KDM4C: variants seen among roughly 807,000 people sequenced by gnomAD.
The protein encoded by KDM4C is lysine-specific demethylase 4C.
Under a neutral mutation model 129.3 loss-of-function variants are expected in KDM4C, and 81 were observed. The ratio of observed to expected loss-of-function variants is 0.63; its 90% CI spans 0.52 to 0.75. The LOEUF (loss-of-function observed/expected upper bound fraction) is 0.75, where lower values mean the gene tolerates loss of function less well. Among genes scored for constraint, KDM4C ranks in the 30% least tolerant of loss-of-function variants. The pLI is 0.00. For missense variants in KDM4C, 1,457 were observed against 1,304.0 expected (o/e 1.12, Z -1.81); for synonymous variants, 573 against 456.1 (o/e 1.26, Z -3.26).
chr9:7,100,934 G>A lies in KDM4C; in HGVS notation c.2425-2751G>A, dbSNP rs376791399. Among the ~76,000 whole-genome samples the A allele has an allele frequency of 2.6e-5, 4 of 151,996 alleles. No individual in the cohort carries two copies. The East Asian group carries it at 5.8e-4, about 22-fold the overall frequency. The stretch of plus-strand genomic sequence containing the variant: ...CTTATCTACTTTGGTTTCTCTGTTC[G>A]TTTAGTTCCACCTGTTTCCCATGGT... On this transcript the variant is annotated intron_variant, in intron 17 of 21. Transcript: ENST00000381309.
intron 16 of KDM4C, among the ~76,000 whole-genome samples, chr9:7,048,215 C>G (rs10976007): frequency 0.016 from 2,394 of 152,018 alleles, 24 homozygotes; most frequent in East Asian, 0.026. Flanking sequence ...TGGACCACAA[C>G]AAAAAGAAAT....
intron 8 of KDM4C, among the ~76,000 whole-genome samples, chr9:6,943,509 G>T (rs532255041): frequency 6.6e-6 from 1 of 152,140 alleles, no homozygotes; most frequent in South Asian, 2.1e-4. Flanking sequence ...AGGAGTTCTA[G>T]ATCAGCCTGG....
At position 6,728,906 on chromosome 9, in the gene KDM4C, T is replaced by C. The variant is rs574623503; in HGVS notation, c.49+7909T>C. Among the ~76,000 whole-genome samples, 4 of 150,474 alleles carry C rather than the reference T, an allele frequency of 2.7e-5. No individual in the cohort carries two copies. In the South Asian group the frequency reaches 8.4e-4, roughly 32 times the overall value. ...TTAATGTGTGGCCAGAAAAAAATTG[T>C]ATGAAAAAAAGGAAGAAGGCTGGGC... On this transcript the variant is annotated intron_variant, in intron 1 of 17. Transcript: ENST00000536108.
intron 15 of KDM4C, among the ~76,000 whole-genome samples, chr9:7,043,169 A>C (rs1358284973): frequency 6.6e-6 from 1 of 152,004 alleles, no homozygotes; most frequent in Admixed American, 6.6e-5. Context: ...AGTATATGAA[A>C]TTTTTGGCAT....
chr9:6,734,336 C>A lies in KDM4C; in HGVS notation c.49+13339C>A, dbSNP rs553674354. Among the ~76,000 whole-genome samples the A allele has an allele frequency of 3.4e-4, 49 of 145,906 alleles. No homozygotes were observed. In the Middle Eastern group the frequency reaches 0.019, roughly 56 times the overall value. On this transcript the variant is annotated intron_variant, in intron 1 of 17. Transcript: ENST00000536108. ...TTAGATGGAGTTTCGCTCTTGTTGC[C>A]CAGGCTGGAGTGCAATGGCGTGGTC... is the stretch of plus-strand genomic sequence containing the variant.
chr9:7,070,712 T>C (rs1360609229), intron 17 of KDM4C, among the ~76,000 whole-genome samples: 1 of 152,132 alleles, frequency 6.6e-6, no homozygotes, highest in Non-Finnish European at 1.5e-5. Flanking sequence ...TTCCTCATTC[T>C]AATAAAGCAT....
At chr9:7,001,653 C>T (rs938647646) in intron 12 of KDM4C, among the ~76,000 whole-genome samples, 6 of 152,086 alleles carry the variant, frequency 3.9e-5, no homozygotes, top group East Asian at 1.9e-4. Flanking sequence ...TGATCTGCCA[C>T]GTGATAACTC....
intron 4 of KDM4C, chr9:6,835,580 G>A (rs1444576902): frequency 7.2e-6 from 7 of 976,782 alleles, no homozygotes; most frequent in African/African-American, 1.6e-5. Flanking sequence ...GCTTCTAGGC[G>A]GACTGTGACT....
chr9:6,729,277 A>T lies in KDM4C; in HGVS notation c.49+8280A>T, dbSNP rs1301706288. Among the ~76,000 whole-genome samples the T allele has an allele frequency of 2.3e-5, 3 of 127,938 alleles. 1 individual carries two copies. Among genetic ancestry groups the T allele is most frequent in the Non-Finnish European group, 4.7e-5 (3 of 63,914 alleles). The allele number at this position is 127,938 out of a possible 152,430, so 83.9% of individuals were successfully genotyped here. ...GAAACAGGGCCAGACGTTGTGGCTT[A>T]TGCCTGCAATCCCAGTACTTTGGGA... On this transcript the variant is annotated intron_variant, in intron 1 of 17. Transcript: ENST00000536108.
chr9:7,154,372 T>C (rs928356333), intron 19 of KDM4C, among the ~76,000 whole-genome samples: 5 of 152,336 alleles, frequency 3.3e-5, no homozygotes, highest in South Asian at 2.1e-4. Flanking sequence ...GATTAACTAC[T>C]GGGAACACAT....
intron 8 of KDM4C, among the ~76,000 whole-genome samples, chr9:6,927,089 T>TTCCA (rs1554647150): frequency 1.4e-5 from 2 of 145,086 alleles, no homozygotes. Flanking sequence ...AAAAAAAATT[T>TTCCA]TCTATCTATC....
At chr9:7,031,932 T>C (rs1192428565) in intron 15 of KDM4C, among the ~76,000 whole-genome samples, 7 of 152,182 alleles carry the variant, frequency 4.6e-5, no homozygotes, top group African/African-American at 9.7e-5. Flanking sequence ...AGCTAGAGAT[T>C]GTAAGTGACT....
At chr9:6,755,056 G>T (rs1001347136), upstream of KDM4C, among the ~76,000 whole-genome samples, 2 of 151,944 alleles carry the variant, frequency 1.3e-5, no homozygotes, top group Non-Finnish European at 2.9e-5. Flanking sequence ...TGGCCAATGT[G>T]GCGAAACCCT....
intron 18 of KDM4C, among the ~76,000 whole-genome samples, chr9:7,117,626 T>TACACACACACACACAC (rs71315578): frequency 2.7e-5 from 4 of 146,916 alleles, no homozygotes; most frequent in Non-Finnish European, 4.5e-5. Context: ...TGTTAATTTC[T>TACACACACACACACAC]ACACACACAC....
At chr9:6,769,421 G>C (rs772330529) in intron 1 of KDM4C, among the ~76,000 whole-genome samples, 1 of 151,970 alleles carries the variant, frequency 6.6e-6, no homozygotes, top group Non-Finnish European at 1.5e-5. Flanking sequence ...CTGGGTCCGG[G>C]ATACAAAACT....
chr9:7,084,628 C>T (rs1056807261), intron 17 of KDM4C, among the ~76,000 whole-genome samples: 4 of 152,212 alleles, frequency 2.6e-5, no homozygotes, highest in African/African-American at 9.6e-5. Context: ...TTAGGAGCTG[C>T]ATGATCTTAG....
intron 15 of KDM4C, among the ~76,000 whole-genome samples, chr9:7,038,476 C>G (rs962348837): frequency 6.6e-6 from 1 of 152,030 alleles, no homozygotes; most frequent in Non-Finnish European, 1.5e-5. Flanking sequence ...TTCTTAGTAT[C>G]CCAGTGGCTG....
At chr9:6,862,223 G>A (rs1486182712) in intron 5 of KDM4C, among the ~76,000 whole-genome samples, 4 of 152,158 alleles carry the variant, frequency 2.6e-5, no homozygotes, top group African/African-American at 7.2e-5. Flanking sequence ...CTTGAGAAAG[G>A]ACTTGAATTA....
At chr9:7,065,040 A>G (rs1832233385) in intron 17 of KDM4C, among the ~76,000 whole-genome samples, 1 of 152,240 alleles carries the variant, frequency 6.6e-6, no homozygotes, top group African/African-American at 2.4e-5. Flanking sequence ...TGAAAGATAA[A>G]TGTGTCCTAC....
Sources: gnomAD v4.1 joint callset for allele counts (sites outside exome capture counted in the v4.1 genomes callset) on GRCh38, gnomAD v4.1.1 for gene constraint, MANE v1.5 for transcripts, NCBI Gene and HGNC (gene_info 2026-07-23, HGNC 2026-07-21) for gene names.